CCNY: variants seen among roughly 807,000 people sequenced by gnomAD.
The protein encoded by CCNY is cyclin Y, also known as cyclin-Y.
A neutral mutation model predicts 42.8 loss-of-function variants in CCNY; 19 were observed. The observed-to-expected ratio is 0.44, with a 90% CI of 0.31 to 0.65. CCNY has a LOEUF of 0.65. Ranked by LOEUF, CCNY falls within the 30% of genes least tolerant of loss-of-function variation. The pLI, the probability that CCNY is intolerant of heterozygous loss-of-function variation, is 0.07. For missense variants in CCNY, 370 were observed against 437.3 expected, an observed-to-expected ratio of 0.85 and a Z score of 1.37; for synonymous variants, 165 against 162.7, an observed-to-expected ratio of 1.01 and a Z score of -0.11.
At chr10:35,393,743 G>C (rs1741770263) in intron 1 of CCNY, among the ~76,000 whole-genome samples, 1 of 152,108 alleles carries the variant, frequency 6.6e-6, no homozygotes, top group Non-Finnish European at 1.5e-5. Flanking sequence ...AGGCATCATT[G>C]GATGAGTATC....
At chr10:35,465,361 T>G (rs1368013275) in intron 1 of CCNY, among the ~76,000 whole-genome samples, 1 of 152,158 alleles carries the variant, frequency 6.6e-6, no homozygotes, top group Non-Finnish European at 1.5e-5. Flanking sequence ...TAGGACCCAG[T>G]GAGGTCGTCA....
chr10:35,438,882 A>T (rs1179103876), intron 1 of CCNY, among the ~76,000 whole-genome samples: 2 of 152,132 alleles, frequency 1.3e-5, no homozygotes, highest in African/African-American at 4.8e-5. Context: ...AGTTTCATGA[A>T]AATATCTTGA....
At chr10:35,394,583 G>A (rs992714966) in intron 1 of CCNY, among the ~76,000 whole-genome samples, 2 of 152,178 alleles carry the variant, frequency 1.3e-5, no homozygotes, top group Admixed American at 1.3e-4. Flanking sequence ...TGTTTGGACC[G>A]GTCAGAGGTG....
chr10:35,362,021 A>G (rs1414919509), intron 1 of CCNY, among the ~76,000 whole-genome samples: 1 of 152,212 alleles, frequency 6.6e-6, no homozygotes, highest in Non-Finnish European at 1.5e-5. Context: ...AATAAAACTA[A>G]TGTATAAAAT....
intron 1 of CCNY, among the ~76,000 whole-genome samples, chr10:35,343,621 C>T (rs944540180): frequency 1.3e-5 from 2 of 151,658 alleles, no homozygotes; most frequent in African/African-American, 4.9e-5. Flanking sequence ...AACTCCTGAC[C>T]TCAGGTGATC....
intron 9 of CCNY, among the ~76,000 whole-genome samples, chr10:35,567,079 A>G (rs1841586917): frequency 6.6e-6 from 1 of 152,212 alleles, no homozygotes; most frequent in Non-Finnish European, 1.5e-5. Flanking sequence ...TGTCCCCCCA[A>G]AAAGCATTTC....
chr10:35,566,159 A>C lies in CCNY; in HGVS notation c.883A>C (p.Ser295Arg). ...CCTGAGCTTTCCCTTGGAGCCCCTG[A>C]GCAGGGAGAGGGCTCACAAGCTTGA... The part of the protein sequence containing the change: ...NNLSFPLEPL[S>R]RERAHKLEAI... The change falls in exon 9 of 10, where the codon AGC becomes CGC. Residue 295 changes from serine to arginine, a missense_variant. Coordinates refer to ENST00000374704, the MANE Select transcript of CCNY (RefSeq NM_145012.6). 2 of 1,614,156 alleles carry C rather than the reference A, an allele frequency of 1.2e-6. No homozygotes were observed. Among genetic ancestry groups the C allele is most frequent in the African/African-American group, 1.3e-5 (1 of 75,064 alleles).
chr10:35,544,498 A>C (rs1564453089), intron 7 of CCNY, among the ~76,000 whole-genome samples: 1 of 152,190 alleles, frequency 6.6e-6, no homozygotes. Context: ...GTATTCCCAC[A>C]AGGATTGAAT....
chr10:35,403,775 T>C (rs1313967642), intron 1 of CCNY, among the ~76,000 whole-genome samples: 1 of 152,082 alleles, frequency 6.6e-6, no homozygotes, highest in Non-Finnish European at 1.5e-5. Flanking sequence ...TGCTGAGAGA[T>C]AGTGGAGGGA....
In CCNY at chr10:35,536,387, A is replaced by G. The variant is rs189836492; in HGVS notation, c.579+6144A>G. On this transcript the variant is annotated intron_variant, in intron 7 of 9. Coordinates refer to ENST00000374704, the MANE Select transcript of CCNY (RefSeq NM_145012.6). Reference sequence around the variant, plus strand: ...CAGTGTGAAAATGGACTAACACAGTAAATTGGTAGCAGTAGAGTGGGGTGC... The same window carrying G: ...CAGTGTGAAAATGGACTAACACAGTGAATTGGTAGCAGTAGAGTGGGGTGC... 2.7e-3 allele frequency among the ~76,000 whole-genome samples: 413 copies of G among 152,272 alleles called. 5 individuals carry two copies. In the South Asian group the frequency reaches 0.028, roughly 10 times the overall value.
chr10:35,478,391 C>CT (rs1309865666), intron 1 of CCNY, among the ~76,000 whole-genome samples: 1 of 151,610 alleles, frequency 6.6e-6, no homozygotes, highest in Non-Finnish European at 1.5e-5. Context: ...TCAAACTATA[C>CT]TACAAGGCTA....
chr10:35,554,428 T>C (rs1167531026), intron 8 of CCNY, among the ~76,000 whole-genome samples: 2 of 152,258 alleles, frequency 1.3e-5, no homozygotes, highest in African/African-American at 4.8e-5. Context: ...CAGAACTATA[T>C]AGTAAGAAAA....
upstream of CCNY, among the ~76,000 whole-genome samples, chr10:35,334,469 T>C (rs1835985843): frequency 6.6e-6 from 1 of 151,984 alleles, no homozygotes; most frequent in Non-Finnish European, 1.5e-5. Context: ...CCCCAGACAA[T>C]CTGAATACAC....
rs117506885 is a variant in CCNY at position 35,467,176 on chromosome 10, A to G, written c.155-16228A>G. ...ATATACGTGAGTAGAATGTATTTCT[A>G]TACATTATAGATGTATTTTGGCTTT... On this transcript the variant is annotated intron_variant, in intron 1 of 9. Transcript: ENST00000374704. 8.9e-3 allele frequency among the ~76,000 whole-genome samples: 1,356 copies of G among 152,358 alleles called. 13 individuals carry two copies. Among genetic ancestry groups the G allele is most frequent in the Middle Eastern group, 0.017 (5 of 294 alleles).
intron 9 of CCNY, among the ~76,000 whole-genome samples, chr10:35,568,662 G>T (rs1328555967): frequency 6.6e-6 from 1 of 152,208 alleles, no homozygotes; most frequent in Non-Finnish European, 1.5e-5. Flanking sequence ...CGTGCTTCAT[G>T]CCAGCCCTGC....
chr10:35,528,608 A>G (rs1840701503), intron 5 of CCNY, among the ~76,000 whole-genome samples: 3 of 152,160 alleles, frequency 2.0e-5, no homozygotes. Flanking sequence ...ATATTGAGGC[A>G]GCCTCTACAA....
chr10:35,284,031 C>A (rs868629750), intron 3 of CCNY, among the ~76,000 whole-genome samples: 14 of 152,096 alleles, frequency 9.2e-5, no homozygotes, highest in South Asian at 4.1e-4. Flanking sequence ...CTGCAGTGAA[C>A]TGAGATCGGG....
At chr10:35,393,825 G>C (rs984105386) in intron 1 of CCNY, among the ~76,000 whole-genome samples, 12 of 151,816 alleles carry the variant, frequency 7.9e-5, no homozygotes, top group Non-Finnish European at 1.6e-4. Context: ...GCACGCACCT[G>C]TAGTTCTAGC....
chr10:35,423,233 A>T (rs556089610), intron 1 of CCNY, among the ~76,000 whole-genome samples: 93 of 152,056 alleles, frequency 6.1e-4, no homozygotes, highest in Non-Finnish European at 9.9e-4. Context: ...TCAACACTTC[A>T]GGAGGCCGAG....
Sources: gnomAD v4.1 joint callset for allele counts (sites outside exome capture counted in the v4.1 genomes callset) on GRCh38, gnomAD v4.1.1 for gene constraint, MANE v1.5 for transcripts, NCBI Gene and HGNC (gene_info 2026-07-23, HGNC 2026-07-21) for gene names.